SERPINB5: variants seen among roughly 807,000 people sequenced by gnomAD.
SERPINB5 encodes the protein serpin family B member 5.
SERPINB5 carries 27 observed loss-of-function variants against 32.2 expected under a neutral mutation model. That is an observed-to-expected ratio of 0.84 (90% confidence interval 0.62 to 1.16). The LOEUF (loss-of-function observed/expected upper bound fraction) is 1.16. Among genes scored for constraint, SERPINB5 ranks in the 50% most tolerant of loss-of-function variants. SERPINB5 has a pLI of 0.00. For synonymous variants in SERPINB5, 154 were observed against 157.4 expected (o/e 0.98, Z 0.16); for missense variants, 388 against 436.3 (o/e 0.89, Z 0.99).
At chr18:63,477,289 C>G (rs1917051839) in intron 1 of SERPINB5, 1 of 152,092 alleles carries the variant, frequency 6.6e-6, no homozygotes, top group Non-Finnish European at 1.5e-5. Context: ...CTTAACCATA[C>G]AAGGTAAGAA....
At chr18:63,487,112 T>G in intron 3 of SERPINB5, 29 bp downstream of exon 3, 1 of 1,604,230 alleles carries the variant, frequency 6.2e-7, no homozygotes, top group African/African-American at 1.3e-5. Flanking sequence ...GTAGCAAGAC[T>G]TAACTTTTTA....
intron 5 of SERPINB5, among the ~76,000 whole-genome samples, chr18:63,495,633 C>CT (rs1568111410): frequency 6.6e-6 from 1 of 152,170 alleles, no homozygotes; most frequent in African/African-American, 2.4e-5. Flanking sequence ...AAGGGTCGTA[C>CT]TTTTTTCATT....
At chr18:63,493,861 A>AGAACAAAC (rs1555670953) in intron 5 of SERPINB5, among the ~76,000 whole-genome samples, 2 of 151,132 alleles carry the variant, frequency 1.3e-5, no homozygotes, top group African/African-American at 4.9e-5. Context: ...CACCTCAAGA[A>AGAACAAAC]AAACAAACAA....
At chr18:63,488,759 T>C (rs889664506) in intron 3 of SERPINB5, among the ~76,000 whole-genome samples, 1 of 152,226 alleles carries the variant, frequency 6.6e-6, no homozygotes, top group African/African-American at 2.4e-5. Flanking sequence ...TAAGAACTCC[T>C]GTTATGTTCT....
At chr18:63,502,668 C>T (rs1214473236) in intron 6 of SERPINB5, among the ~76,000 whole-genome samples, 1 of 152,132 alleles carries the variant, frequency 6.6e-6, no homozygotes, top group Admixed American at 6.5e-5. Flanking sequence ...ATTTTATATT[C>T]ATTTCACTAT....
chr18:63,500,440 A>G (rs987580604), intron 6 of SERPINB5, among the ~76,000 whole-genome samples: 5 of 152,148 alleles, frequency 3.3e-5, no homozygotes, highest in African/African-American at 1.2e-4. Flanking sequence ...ATGCTTCAAA[A>G]TTTTGAATTA....
At chr18:63,495,795 C>T (rs1248221292) in intron 5 of SERPINB5, among the ~76,000 whole-genome samples, 1 of 152,200 alleles carries the variant, frequency 6.6e-6, no homozygotes, top group African/African-American at 2.4e-5. Context: ...TGTCATTGAT[C>T]TCTCAGTGTT....
Position 63,503,466 on chromosome 18 carries a change from T to C in SERPINB5, c.872T>C (p.Leu291Pro), listed in dbSNP as rs1164569233. ...MIDPKACLEN[L>P]GLKHIFSEDT... is the part of the protein sequence containing the mutation. ...GATCCCAAGGCTTGTCTGGAAAATC[T>C]AGGGCTGAAACATATCTTCAGTGAA... The change falls in exon 7 of 7, where the codon CTA (leucine) becomes CCA (proline). Residue 291 changes from leucine (L) to proline (P), a missense_variant. Physicochemically the swap from Leu to Pro is moderately conservative, Grantham distance 98. Coordinates refer to ENST00000382771, the MANE Select transcript of SERPINB5 (RefSeq NM_002639.5). 2 of 1,614,124 alleles carry C rather than the reference T, an allele frequency of 1.2e-6. No individual in the cohort carries two copies. The highest frequency in any genetic ancestry group is 1.7e-6 in the Non-Finnish European group (2 of 1,180,050).
chr18:63,485,186 C>A (rs991065371), intron 2 of SERPINB5, among the ~76,000 whole-genome samples: 1 of 151,908 alleles, frequency 6.6e-6, no homozygotes, highest in South Asian at 2.1e-4. Context: ...TGAGATGTAA[C>A]CTCATCATAA....
chr18:63,485,723 T>G (rs956578010), intron 2 of SERPINB5: 2 of 152,406 alleles, frequency 1.3e-5, no homozygotes, highest in Non-Finnish European at 2.9e-5. Flanking sequence ...ATGCAACTGG[T>G]TCCCCAGCAG....
chr18:63,489,110 C>T (rs906918378), intron 3 of SERPINB5, among the ~76,000 whole-genome samples: 7 of 152,018 alleles, frequency 4.6e-5, no homozygotes, highest in African/African-American at 1.2e-4. Context: ...TTCCCCAAAG[C>T]TGATATTAAA....
At position 63,493,019 on chromosome 18, in the gene SERPINB5, C is replaced by T; in HGVS notation, c.491C>T (p.Ala164Val). The T allele has an allele frequency of 1.9e-6, 3 of 1,614,182 alleles. No homozygotes were observed. Among genetic ancestry groups the T allele is most frequent in the Non-Finnish European group, 2.5e-6 (3 of 1,180,022 alleles). Residue 164 changes from alanine (A) to valine (V), a missense_variant, in exon 5 of 7, where the codon GCT becomes GTT. Physicochemically the swap from Ala to Val is moderately conservative, Grantham distance 64. Transcript: ENST00000382771. ...CAGACCAAAATCCTTGTGGTTAATG[C>T]TGCCTACTTTGTTGGCAAGTGGATG... ...NDQTKILVVNAAYFVGKWMKK... is the reference protein window; with the variant it reads ...NDQTKILVVNVAYFVGKWMKK...
rs201024367 is a variant in SERPINB5 at position 63,503,346 on chromosome 18, A to T, written c.752A>T (p.Asn251Ile). The T allele has an allele frequency of 6.2e-7, 1 of 1,612,962 alleles. No homozygotes were observed. Among genetic ancestry groups the T allele is most frequent in the East Asian group, 2.2e-5 (1 of 44,882 alleles). Residue 251 changes from asparagine to isoleucine, a missense_variant, in exon 7 of 7, where the codon AAC becomes ATC. Coordinates refer to ENST00000382771, the MANE Select transcript of SERPINB5 (RefSeq NM_002639.5). ...GTCCTTCAGATTGAAAAACAACTCA[A>T]CTCAGAGTCACTGTCACAGTGGACT... ...TGLEKIEKQL[N>I]SESLSQWTNP...
At position 63,484,480 on chromosome 18, in the gene SERPINB5, C is replaced by A; in HGVS notation, c.52C>A (p.Gln18Lys). Residue 18 changes from glutamine (Q) to lysine (K), a missense_variant, in exon 2 of 7, where the codon CAA becomes AAA. Transcript: ENST00000382771. ...GGCTTTTGCCGTTGATCTGTTCAAA[C>A]AACTATGTGAAAAGGAGCCACTGGG... The part of the protein sequence containing the change: ...NSAFAVDLFK[Q>K]LCEKEPLGNV... The A allele has an allele frequency of 6.2e-7, 1 of 1,614,174 alleles. No homozygotes were observed. The highest frequency in any genetic ancestry group is 1.1e-5 in the South Asian group (1 of 91,082).
Position 63,503,850 on chromosome 18 carries a change from T to C in SERPINB5, c.*128T>C. 1.1e-6 allele frequency: 1 copy of C among 923,106 alleles called. No individual in the cohort carries two copies. Among genetic ancestry groups the C allele is most frequent in the South Asian group, 1.6e-5 (1 of 64,104 alleles). The allele number at this position is 923,106 out of a possible 1,614,324, so 57.2% of individuals were successfully genotyped here. On this transcript the variant is annotated 3_prime_UTR_variant, in exon 7 of 7. Coordinates refer to ENST00000382771, the MANE Select transcript of SERPINB5 (RefSeq NM_002639.5). ...TGTTGCTGGATCAGGAAGCCGCCAG[T>C]ACTTGTCATATGTAGCCTTCACACA...
chr18:63,484,775 TCCCACTCTGTCAC>T (rs1917181559), intron 2 of SERPINB5, among the ~76,000 whole-genome samples, 179 bp downstream of exon 2: 1 of 121,526 alleles, frequency 8.2e-6, no homozygotes, highest in Non-Finnish European at 1.6e-5. Flanking sequence ...TGAGACAGGG[TCCCACTCTGTCAC>T]CCATGCTGGA....
At chr18:63,499,057 A>C in intron 5 of SERPINB5, 63 bp from the exon 6 acceptor site, 4 of 722,888 alleles carry the variant, frequency 5.5e-6, no homozygotes, top group Non-Finnish European at 6.1e-6. Flanking sequence ...GTATATATAT[A>C]TATATATATA....
rs371720610 is a variant in SERPINB5 at position 63,499,272 on chromosome 18, C to T, written c.720C>T (p.Ser240=). The T allele has an allele frequency of 5.1e-6, 8 of 1,580,014 alleles. No homozygotes were observed. The highest frequency in any genetic ancestry group is 1.7e-4 in the Middle Eastern group (1 of 5,982). ...ILLPKDVEDE[S]TGLEKIEKQL... ...TACCCAAGGATGTGGAGGATGAGTC[C>T]ACAGGCTTGGAGAAGGTAAGGAGAA... The change falls in exon 6 of 7, where the codon TCC becomes TCT. Residue 240 remains serine (S), a synonymous_variant. Coordinates refer to ENST00000382771, the MANE Select transcript of SERPINB5 (RefSeq NM_002639.5).
At chr18:63,485,762 T>C (rs932055097) in intron 2 of SERPINB5, 1 of 152,636 alleles carries the variant, frequency 6.6e-6, no homozygotes, top group Non-Finnish European at 1.5e-5. Context: ...AATTTTCTGG[T>C]CTCCTTCATC....
Sources: gnomAD v4.1 joint callset for allele counts (sites outside exome capture counted in the v4.1 genomes callset) on GRCh38, gnomAD v4.1.1 for gene constraint, MANE v1.5 for transcripts, NCBI Gene and HGNC (gene_info 2026-07-23, HGNC 2026-07-21) for gene names.